Variants in MLIP observed in about 807,000 individuals in gnomAD.
The protein encoded by MLIP is muscular LMNA interacting protein.
MLIP carries 79 observed loss-of-function variants against 84.8 expected under a neutral mutation model. That is an observed-to-expected ratio of 0.93 (90% CI 0.78 to 1.12). The LOEUF is 1.12. MLIP is among the 50% of genes most tolerant of loss of function. The probability of loss-of-function intolerance (pLI) is 0.00; values close to 1 mark genes in which losing one functional copy is unlikely to be tolerated. For missense variants in MLIP, 1,257 were observed against 1,160.6 expected (o/e 1.08, Z -1.21); for synonymous variants, 504 against 463.0 (o/e 1.09, Z -1.14).
At chr6:54,052,598 T>G (rs1231620847) in intron 1 of MLIP, among the ~76,000 whole-genome samples, 4 of 152,206 alleles carry the variant, frequency 2.6e-5, no homozygotes, top group Non-Finnish European at 5.9e-5. Flanking sequence ...TTGTCACAAT[T>G]GTTTATATAG....
intron 12 of MLIP, among the ~76,000 whole-genome samples, chr6:54,246,988 T>C (rs1302441375): frequency 3.3e-5 from 5 of 152,196 alleles, no homozygotes; most frequent in Non-Finnish European, 7.3e-5. Flanking sequence ...TATTACCCTT[T>C]CTTCCCATAT....
intron 9 of MLIP, among the ~76,000 whole-genome samples, chr6:54,179,325 G>GTGAT (rs1045809944): frequency 3.3e-5 from 5 of 152,186 alleles, no homozygotes; most frequent in Admixed American, 1.3e-4. Context: ...TAGGCAACAG[G>GTGAT]TGATTGGGTT....
At chr6:54,183,106 A>G (rs1283446318) in intron 9 of MLIP, among the ~76,000 whole-genome samples, 1 of 151,914 alleles carries the variant, frequency 6.6e-6, no homozygotes. Flanking sequence ...ACAGATATTC[A>G]AATAAAGGTC....
At chr6:54,019,019 C>T (rs754529301) in exon 1 of MLIP, 1 of 1,603,404 alleles carries the variant, frequency 6.2e-7, no homozygotes, top group Non-Finnish European at 8.5e-7. Context: ...CTTTCTCATT[C>T]TCTTTCAATA....
chr6:54,228,067 C>G (rs1334259722), intron 11 of MLIP, among the ~76,000 whole-genome samples: 1 of 148,854 alleles, frequency 6.7e-6, no homozygotes, highest in Non-Finnish European at 1.5e-5. Context: ...CCTGTAGTCC[C>G]AGGTACTCGG....
chr6:54,151,847 G>A (rs549344308), intron 5 of MLIP, among the ~76,000 whole-genome samples: 4 of 152,008 alleles, frequency 2.6e-5, no homozygotes, highest in East Asian at 1.9e-4. Flanking sequence ...TTGAAATACC[G>A]GCATCCCTTG....
intron 1 of MLIP, among the ~76,000 whole-genome samples, chr6:54,101,239 AG>A (rs917309771): frequency 6.6e-6 from 1 of 152,098 alleles, no homozygotes; most frequent in African/African-American, 2.4e-5. Context: ...AAAAATATTA[AG>A]GGGGGAAAAA....
chr6:54,042,528 T>C (rs1428986151), intron 1 of MLIP, among the ~76,000 whole-genome samples: 4 of 152,186 alleles, frequency 2.6e-5, no homozygotes, highest in African/African-American at 4.8e-5. Context: ...ACAGAAGGTA[T>C]ATCACCAGAA....
intron 11 of MLIP, among the ~76,000 whole-genome samples, chr6:54,225,011 T>C (rs1780483015): frequency 6.6e-6 from 1 of 152,194 alleles, no homozygotes; most frequent in Admixed American, 6.6e-5. Context: ...TTTGGGTTGG[T>C]TCCATGATTT....
chr6:54,051,086 A>G (rs1285731007), intron 1 of MLIP, among the ~76,000 whole-genome samples: 2 of 151,942 alleles, frequency 1.3e-5, no homozygotes, highest in African/African-American at 2.4e-5. Context: ...ATTTGTTTCC[A>G]TCTCTTTTGT....
chr6:54,154,374 A>G (rs1773798044), intron 5 of MLIP, among the ~76,000 whole-genome samples: 1 of 152,184 alleles, frequency 6.6e-6, no homozygotes, highest in East Asian at 1.9e-4. Flanking sequence ...AGCTTATAGA[A>G]CAGCCTTCTG....
In MLIP at chr6:54,121,480, A is replaced by T. The variant is rs1770449247; in HGVS notation, c.130A>T (p.Ile44Phe). 1.2e-6 allele frequency: 2 copies of T among 1,614,018 alleles called. No homozygotes were observed. The highest frequency in any genetic ancestry group is 1.7e-6 in the Non-Finnish European group (2 of 1,180,022). The change falls in exon 2 of 14, where the codon ATC becomes TTC. Residue 44 changes from isoleucine to phenylalanine, a missense_variant. Transcript: ENST00000502396. Reference protein sequence around the residue: ...SAGGSEAKPLIFTFVPTVRRL... With the variant: ...SAGGSEAKPLFFTFVPTVRRL... ...TGGTGGTTCTGAAGCCAAACCTCTGATCTTCACATTTGTCCCCACTGTCAG... is the reference window on the plus strand; with the variant it reads ...TGGTGGTTCTGAAGCCAAACCTCTGTTCTTCACATTTGTCCCCACTGTCAG...
At chr6:54,124,133 G>A (rs1353054877) in intron 2 of MLIP, among the ~76,000 whole-genome samples, 1 of 152,014 alleles carries the variant, frequency 6.6e-6, no homozygotes, top group East Asian at 1.9e-4. Flanking sequence ...CTAAACCCTT[G>A]CCCAATCCCC....
chr6:54,048,285 A>T (rs1156951238), intron 1 of MLIP, among the ~76,000 whole-genome samples: 4 of 152,154 alleles, frequency 2.6e-5, no homozygotes, highest in African/African-American at 9.7e-5. Context: ...AGGGATAGAG[A>T]AAGGAATGAG....
rs780657177 is a variant in MLIP at position 54,250,730 on chromosome 6, T to C, written c.2923-6578T>C. Among the ~76,000 whole-genome samples the C allele has an allele frequency of 9.9e-5, 15 of 152,106 alleles. 1 individual carries two copies. Among genetic ancestry groups the C allele is most frequent in the Non-Finnish European group, 1.8e-4 (12 of 67,998 alleles). On this transcript the variant is annotated intron_variant, in intron 12 of 13. Transcript: ENST00000502396. ...ATCCACCTGAATTTTCTCCCTATTTTTCAACCAGCCCAATTGTGAGTAATT... is the reference window on the plus strand; with the variant it reads ...ATCCACCTGAATTTTCTCCCTATTTCTCAACCAGCCCAATTGTGAGTAATT...
At position 54,074,831 on chromosome 6, in the gene MLIP, A is replaced by T. The variant is rs1030593209; in HGVS notation, c.64-46616A>T. ...GTCTGTGAGGGATTAGAAACACTAG[A>T]TGCGAAACACCTGGTACACTGAAAG... On this transcript the variant is annotated intron_variant, in intron 1 of 12. Transcript: ENST00000274897. Among the ~76,000 whole-genome samples the T allele has an allele frequency of 4.6e-5, 7 of 152,192 alleles. No homozygotes were observed. The South Asian group carries it at 1.4e-3, about 31-fold the overall frequency.
At chr6:54,181,810 C>T (rs1039024364) in intron 9 of MLIP, among the ~76,000 whole-genome samples, 1 of 152,140 alleles carries the variant, frequency 6.6e-6, no homozygotes, top group African/African-American at 2.4e-5. Flanking sequence ...ACATCATGAG[C>T]CAGGGCCTGT....
At chr6:54,206,347 G>T (rs905591057) in intron 11 of MLIP, among the ~76,000 whole-genome samples, 40 of 151,858 alleles carry the variant, frequency 2.6e-4, no homozygotes, top group Non-Finnish European at 2.9e-5. Context: ...AAGGAAATGT[G>T]TGAAAAAAGG....
chr6:54,036,939 G>A (rs1164335047), intron 1 of MLIP, among the ~76,000 whole-genome samples: 1 of 151,972 alleles, frequency 6.6e-6, no homozygotes, highest in African/African-American at 2.4e-5. Flanking sequence ...GTTGGGATTA[G>A]GGGAGAAACA....
Sources: allele counts gnomAD v4.1 joint callset (sites outside exome capture counted in the v4.1 genomes callset), GRCh38; gene constraint gnomAD v4.1.1; transcripts MANE v1.5; gene names NCBI Gene and HGNC (gene_info 2026-07-23, HGNC 2026-07-21).